The following SEC16B variants were observed in gnomAD, a reference collection of about 807,000 sequenced individuals.
The protein encoded by SEC16B is protein transport protein Sec16B.
A neutral mutation model predicts 141.8 loss-of-function variants in SEC16B; 115 were observed. The ratio of observed to expected loss-of-function variants is 0.81; its 90% confidence interval spans 0.70 to 0.95. The LOEUF (loss-of-function observed/expected upper bound fraction) is 0.95. Ranked by LOEUF, SEC16B falls within the 40% of genes least tolerant of loss-of-function variation. The probability of loss-of-function intolerance (pLI) is 0.00; values close to 1 mark genes in which losing one functional copy is unlikely to be tolerated. For synonymous variants in SEC16B, 493 were observed against 492.5 expected, an observed-to-expected ratio of 1.00 and a Z score of -0.01; for missense variants, 1,291 against 1,312.3, an observed-to-expected ratio of 0.98 and a Z score of 0.25.
rs888964942 is a variant in SEC16B, at chr1:177,951,976, G to A, written c.1483C>T (p.Leu495Phe). Residue 495 changes from leucine to phenylalanine, a missense_variant, in exon 12 of 26, where the codon CTC becomes TTC. Around this residue, in one of 3 missense-constraint regions of SEC16B, gnomAD observed 681 missense variants for 675.5 expected, o/e 1.01. Transcript: ENST00000308284. ...AAGAGGGTCTGCAGTGGGTCATTGA[G>A]CGCCAGCGTGCTGGTGAAGCTGCGG... ...VMSGFTSTLA[L>F]NDPLQTLFQL... The A allele has an allele frequency of 6.2e-7, 1 of 1,604,510 alleles. No homozygotes were observed. The highest frequency in any genetic ancestry group is 1.3e-5 in the African/African-American group (1 of 74,850).
intron 18 of SEC16B, among the ~76,000 whole-genome samples, 160 bp downstream of exon 18, chr1:177,939,542 G>A (rs1258051645): frequency 6.6e-6 from 1 of 152,220 alleles, no homozygotes; most frequent in Non-Finnish European, 1.5e-5. Context: ...AGGCTGGCAG[G>A]AGCTGGGTGG....
intron 13 of SEC16B, among the ~76,000 whole-genome samples, chr1:177,947,161 G>C (rs1310134734): frequency 6.6e-6 from 1 of 152,146 alleles, no homozygotes; most frequent in Admixed American, 6.5e-5. Context: ...AAGTTTAACA[G>C]AGCAATATTT....
At chr1:177,960,514 C>T (rs955715106) in intron 7 of SEC16B, 111 bp from the exon 8 acceptor site, 4 of 790,578 alleles carry the variant, frequency 5.1e-6, no homozygotes, top group South Asian at 1.6e-5. Context: ...TGGCTCAAGG[C>T]CTTGTGGAGA....
At chr1:177,933,407 T>C in intron 21 of SEC16B, 77 bp downstream of exon 21, 1 of 1,571,810 alleles carries the variant, frequency 6.4e-7, no homozygotes, top group South Asian at 1.2e-5. Context: ...GAGCCCAGAC[T>C]TCCAAGTCTG....
intron 11 of SEC16B, among the ~76,000 whole-genome samples, chr1:177,953,294 C>T (rs1652347379): frequency 6.6e-6 from 1 of 152,190 alleles, no homozygotes; most frequent in African/African-American, 2.4e-5. Context: ...GCATGAGCCA[C>T]CACACCCAGT....
chr1:177,946,628 G>C, intron 13 of SEC16B, 97 bp from the exon 14 acceptor site: 1 of 844,016 alleles, frequency 1.2e-6, no homozygotes, highest in Non-Finnish European at 1.9e-6. Flanking sequence ...AGTGGCCTCG[G>C]GGGTCAGAGG....
At chr1:177,959,027 G>A in intron 8 of SEC16B, 52 bp from the exon 9 acceptor site, 1 of 1,574,356 alleles carries the variant, frequency 6.4e-7, no homozygotes, top group Non-Finnish European at 8.6e-7. Flanking sequence ...ACACTTCCCT[G>A]TTTCGGACCC....
chr1:177,934,154 AAGAT>A (rs979045049), intron 20 of SEC16B, among the ~76,000 whole-genome samples: 7 of 152,046 alleles, frequency 4.6e-5, no homozygotes, highest in Non-Finnish European at 8.8e-5. Flanking sequence ...TTTTTGTGGT[AAGAT>A]AGATACAGGA....
chr1:177,943,403 C>T (rs1651429282), intron 15 of SEC16B, among the ~76,000 whole-genome samples: 2 of 152,184 alleles, frequency 1.3e-5, no homozygotes, highest in South Asian at 2.1e-4. Flanking sequence ...CAAACCTGCA[C>T]ATTCAGCACA....
Position 177,954,280 on chromosome 1 carries a change from C to A in SEC16B, c.1462G>T (p.Gly488Cys). 1 of 1,561,670 alleles carries A rather than the reference C, an allele frequency of 6.4e-7. No individual in the cohort carries two copies. The highest frequency in any genetic ancestry group is 1.4e-5 in the African/African-American group (1 of 73,628). Residue 488 changes from glycine to cysteine, a missense_variant and splice_region_variant, in exon 11 of 26, where the codon GGC becomes TGC. Gly to Cys is a radical substitution (Grantham distance 159, BLOSUM62 -3). Coordinates refer to ENST00000308284, the MANE Select transcript of SEC16B (RefSeq NM_033127.4). ...DPQTYSWVMS[G>C]FTSTLALNDP... ...CTCTTTTGTTAAGTCCTGACTCACC[C>A]ACTCATGACCCAGCTGTAGGTCTGT... is the stretch of plus-strand genomic sequence containing the variant.
chr1:177,940,008 A>G (rs567731165), intron 17 of SEC16B, among the ~76,000 whole-genome samples: 4 of 152,150 alleles, frequency 2.6e-5, no homozygotes, highest in Admixed American at 6.5e-5. Flanking sequence ...CCCCTGAAGG[A>G]AGGAGCGCAT....
chr1:177,951,884 G>A, intron 12 of SEC16B, 30 bp downstream of exon 12: 1 of 1,563,806 alleles, frequency 6.4e-7, no homozygotes, highest in Non-Finnish European at 8.7e-7. Flanking sequence ...GGGATGCCTG[G>A]GTGATAAAGG....
In SEC16B at chr1:177,933,281, C is replaced by G. The variant is rs547151020; in HGVS notation, c.2756G>C (p.Arg919Pro). The part of the protein sequence containing the change: ...SSGFGWFSWF[R>P]SKPTKNASPA... ...GGATGCGTTCTTGGTGGGCTTCGAT[C>G]GAAACCAGCTGAACCAGCCAAACCC... is the stretch of plus-strand genomic sequence containing the variant. Residue 919 changes from arginine (R) to proline (P), a missense_variant, in exon 22 of 26, where the codon CGA becomes CCA. Coordinates refer to ENST00000308284, the MANE Select transcript of SEC16B (RefSeq NM_033127.4). The G allele has an allele frequency of 1.9e-6, 3 of 1,600,762 alleles. No individual in the cohort carries two copies. Among genetic ancestry groups the G allele is most frequent in the East Asian group, 2.3e-5 (1 of 44,270 alleles).
upstream of SEC16B, among the ~76,000 whole-genome samples, chr1:177,974,873 G>T (rs1331706782): frequency 1.3e-5 from 2 of 152,184 alleles, no homozygotes; most frequent in African/African-American, 4.8e-5. Context: ...AAATCTCAGA[G>T]AAAATGCATC....
At chr1:177,940,258 T>C (rs922819352) in intron 17 of SEC16B, among the ~76,000 whole-genome samples, 3 of 152,208 alleles carry the variant, frequency 2.0e-5, no homozygotes, top group Admixed American at 1.3e-4. Context: ...AAAGTGACAC[T>C]GGTCCACTGT....
chr1:177,947,564 C>T (rs1219702739), intron 13 of SEC16B, among the ~76,000 whole-genome samples: 6 of 151,994 alleles, frequency 3.9e-5, no homozygotes, highest in African/African-American at 4.8e-5. Flanking sequence ...AAGAAGGACA[C>T]GTGTTTCCCT....
intron 14 of SEC16B, chr1:177,946,059 G>A: frequency 1.9e-6 from 1 of 513,412 alleles, no homozygotes; most frequent in South Asian, 2.8e-5. Context: ...ACAGGCCCAG[G>A]GCTGCCTAAC....
chr1:177,928,846 C>T lies in SEC16B; in HGVS notation c.*1012G>A, dbSNP rs944421940. On this transcript the variant is annotated 3_prime_UTR_variant, in exon 26 of 26. Transcript: ENST00000308284. The stretch of plus-strand genomic sequence containing the variant: ...CAATATCAGAACTATAGAACATTAA[C>T]GTACTAAACCTGTATTTACAATTAC... 3.9e-5 allele frequency: 6 copies of T among 152,092 alleles called. No individual in the cohort carries two copies. The highest frequency in any genetic ancestry group is 6.5e-5 in the Admixed American group (1 of 15,278). The allele number at this position is 152,092 out of a possible 1,614,324, so 9.4% of individuals were successfully genotyped here.
intron 1 of SEC16B, among the ~76,000 whole-genome samples, chr1:177,976,960 G>A (rs986581394): frequency 6.6e-6 from 1 of 152,196 alleles, no homozygotes; most frequent in Non-Finnish European, 1.5e-5. Flanking sequence ...ATGCAGCCCA[G>A]TGCTTCTCAC....
Sources: gnomAD v4.1 joint callset for allele counts (sites outside exome capture counted in the v4.1 genomes callset) on GRCh38, gnomAD v4.1.1 for gene constraint, gnomAD v4.1.1 regional missense constraint, MANE v1.5 for transcripts, NCBI Gene and HGNC (gene_info 2026-07-23, HGNC 2026-07-21) for gene names.